The following CCDC192 variants were observed in gnomAD, a reference collection of about 807,000 sequenced individuals.
CCDC192 encodes coiled-coil domain containing 192, also known as coiled-coil domain-containing protein 192.
chr5:127,706,525 GAA>G (rs1224118510), intron 1 of CCDC192, among the ~76,000 whole-genome samples: 3 of 60,282 alleles, frequency 5.0e-5, no homozygotes, highest in African/African-American at 1.4e-4. Flanking sequence ...CTCCATCTCA[GAA>G]AAAAAAAAAA....
chr5:127,795,437 G>A (rs1434730617), intron 3 of CCDC192, among the ~76,000 whole-genome samples: 2 of 152,016 alleles, frequency 1.3e-5, no homozygotes, highest in African/African-American at 4.8e-5. Flanking sequence ...AAGTGTCTCT[G>A]TTGTTTAAAC....
At chr5:127,784,547 G>A (rs577961031) in intron 3 of CCDC192, 5 of 419,048 alleles carry the variant, frequency 1.2e-5, no homozygotes, top group African/African-American at 1.0e-4. Context: ...GTAAACTTGA[G>A]TTGTTTACAT....
chr5:127,805,575 C>A (rs1003795479), intron 5 of CCDC192, among the ~76,000 whole-genome samples: 1 of 152,178 alleles, frequency 6.6e-6, no homozygotes, highest in Non-Finnish European at 1.5e-5. Context: ...TAGAGTTCTA[C>A]CTGTGCCAAT....
intron 3 of CCDC192, among the ~76,000 whole-genome samples, chr5:127,795,331 T>C (rs1422120361): frequency 6.9e-6 from 1 of 145,606 alleles, no homozygotes; most frequent in Non-Finnish European, 1.5e-5. Context: ...AATATTTAGA[T>C]AAAACCCAGA....
intron 6 of CCDC192, among the ~76,000 whole-genome samples, chr5:127,902,260 G>A (rs1753056755): frequency 6.6e-6 from 1 of 151,932 alleles, no homozygotes; most frequent in Admixed American, 6.6e-5. Flanking sequence ...CTGGGTGATA[G>A]AGTGAGACTC....
At chr5:127,705,229 T>C (rs1750897345) in intron 1 of CCDC192, among the ~76,000 whole-genome samples, 1 of 152,218 alleles carries the variant, frequency 6.6e-6, no homozygotes, top group South Asian at 2.1e-4. Context: ...CTGTGTATGC[T>C]GGGTTACCAT....
chr5:127,835,126 C>T (rs1259016609), intron 5 of CCDC192, among the ~76,000 whole-genome samples: 1 of 133,996 alleles, frequency 7.5e-6, no homozygotes, highest in Admixed American at 7.3e-5. Context: ...ATTATTTAAA[C>T]TAAAGTTCTT....
intron 6 of CCDC192, among the ~76,000 whole-genome samples, chr5:127,932,896 T>C (rs541214057): frequency 6.6e-6 from 1 of 152,060 alleles, no homozygotes; most frequent in Non-Finnish European, 1.5e-5. Context: ...TGTTCAGCAA[T>C]GGGGCTTGGG....
In CCDC192 at chr5:127,822,265, T is replaced by G. The variant is rs181302822; in HGVS notation, c.411+24103T>G. Among the ~76,000 whole-genome samples, 3 of 152,346 alleles carry G rather than the reference T, an allele frequency of 2.0e-5. No individual in the cohort carries two copies. In the East Asian group the frequency reaches 5.8e-4, roughly 29 times the overall value. Reference sequence around the variant, plus strand: ...AGGCTGTGTCCTCTGAAGAAAGCCTTTTCTATTTCTCATCCCTTTTGGGGT... The same window carrying G: ...AGGCTGTGTCCTCTGAAGAAAGCCTGTTCTATTTCTCATCCCTTTTGGGGT... On this transcript the variant is annotated intron_variant, in intron 5 of 6. Transcript: ENST00000514853.
intron 5 of CCDC192, among the ~76,000 whole-genome samples, chr5:127,856,346 G>C (rs1306398371): frequency 2.6e-5 from 4 of 152,182 alleles, no homozygotes; most frequent in African/African-American, 9.7e-5. Flanking sequence ...TAGAATTGAA[G>C]AACATTAGGA....
At chr5:127,731,402 G>A (rs962935108) in intron 2 of CCDC192, among the ~76,000 whole-genome samples, 24 of 152,104 alleles carry the variant, frequency 1.6e-4, no homozygotes, top group African/African-American at 5.6e-4. Flanking sequence ...CATGCTCACA[G>A]ATAGGAAGAA....
At chr5:127,930,569 C>T (rs1204249457) in intron 6 of CCDC192, among the ~76,000 whole-genome samples, 1 of 152,226 alleles carries the variant, frequency 6.6e-6, no homozygotes, top group Non-Finnish European at 1.5e-5. Flanking sequence ...GAAACCCTTT[C>T]TTCTGCTCAG....
chr5:127,896,331 T>A (rs1172789393), intron 6 of CCDC192, among the ~76,000 whole-genome samples: 1 of 152,142 alleles, frequency 6.6e-6, no homozygotes, highest in Non-Finnish European at 1.5e-5. Flanking sequence ...CATTTTCAAT[T>A]CTCATCTTAA....
At chr5:127,880,946 C>A (rs1752328791) in intron 6 of CCDC192, among the ~76,000 whole-genome samples, 1 of 152,174 alleles carries the variant, frequency 6.6e-6, no homozygotes, top group African/African-American at 2.4e-5. Context: ...CACCACTGCA[C>A]TCCAGCCTGG....
intron 3 of CCDC192, among the ~76,000 whole-genome samples, chr5:127,773,409 T>C (rs1441875560): frequency 6.6e-6 from 1 of 152,190 alleles, no homozygotes; most frequent in Non-Finnish European, 1.5e-5. Context: ...AAGAACACTT[T>C]ATGCCCATTA....
chr5:127,924,808 G>A (rs547184649), intron 6 of CCDC192, among the ~76,000 whole-genome samples: 12 of 152,186 alleles, frequency 7.9e-5, no homozygotes, highest in African/African-American at 2.2e-4. Flanking sequence ...ACTCTGTTCC[G>A]GTGTAATTGC....
chr5:127,733,872 T>G (rs1323213937), intron 2 of CCDC192, among the ~76,000 whole-genome samples: 1 of 151,294 alleles, frequency 6.6e-6, no homozygotes. Flanking sequence ...TCCAATACAT[T>G]TTTTATTTCC....
intron 5 of CCDC192, among the ~76,000 whole-genome samples, chr5:127,863,081 C>T (rs1393751843): frequency 6.6e-6 from 1 of 152,132 alleles, no homozygotes; most frequent in Non-Finnish European, 1.5e-5. Flanking sequence ...GCCTATGTGC[C>T]TCTTTGGCAA....
At chr5:127,720,642 A>G (rs1036152222) in intron 2 of CCDC192, among the ~76,000 whole-genome samples, 1 of 152,242 alleles carries the variant, frequency 6.6e-6, no homozygotes, top group African/African-American at 2.4e-5. Flanking sequence ...ACACTGCCCT[A>G]GTAGAGGTTC....
Sources: gnomAD v4.1 joint callset for allele counts (sites outside exome capture counted in the v4.1 genomes callset) on GRCh38, gnomAD v4.1.1 for gene constraint, MANE v1.5 for transcripts, NCBI Gene and HGNC (gene_info 2026-07-23, HGNC 2026-07-21) for gene names.